ARID1B: variants seen among roughly 807,000 people sequenced by gnomAD.
The protein encoded by ARID1B is AT-rich interaction domain 1B.
In ARID1B, 30 loss-of-function variants were observed where a neutral mutation model predicts 212.3. The ratio of observed to expected loss-of-function variants is 0.14; its 90% CI spans 0.11 to 0.19. The LOEUF is 0.19. Among genes scored for constraint, ARID1B ranks in the 10% least tolerant of loss-of-function variants. ARID1B has a pLI of 1.00. For synonymous variants in ARID1B, 1,402 were observed against 1,301.7 expected (o/e 1.08, Z -1.66); for missense variants, 2,891 against 3,204.0 (o/e 0.90, Z 2.36).
intron 2 of ARID1B, among the ~76,000 whole-genome samples, chr6:156,897,249 C>CTTATTATTATTA (rs1165510857): frequency 5.3e-4 from 53 of 100,800 alleles, no homozygotes; most frequent in African/African-American, 1.2e-3. Context: ...TCTTCTTCTT[C>CTTATTATTATTA]TTCTTCTTCT....
chr6:156,968,920 G>A (rs562233341), intron 4 of ARID1B, among the ~76,000 whole-genome samples: 3 of 152,358 alleles, frequency 2.0e-5, no homozygotes, highest in East Asian at 1.9e-4. Flanking sequence ...AGTGAAGGGC[G>A]CAAGCCCCTG....
chr6:156,780,760 A>G (rs143498669), intron 1 of ARID1B, among the ~76,000 whole-genome samples: 8 of 152,370 alleles, frequency 5.3e-5, no homozygotes, highest in Non-Finnish European at 7.3e-5. Context: ...GCTGGTGTCC[A>G]GTATTGGGCA....
At position 156,779,301 on chromosome 6, in the gene ARID1B, G is replaced by A. The variant is rs2115001747; in HGVS notation, c.1621G>A (p.Ala541Thr). ...PPPSQPQSQA[A>T]AAGAAAGGQQ... is the part of the protein sequence containing the mutation. Reference sequence around the variant, plus strand: ...GCCGTCGCAGCCCCAGTCCCAGGCGGCGGCGGCGGGGGCGGCGGCGGGCGG... The same window carrying A: ...GCCGTCGCAGCCCCAGTCCCAGGCGACGGCGGCGGGGGCGGCGGCGGGCGG... Residue 541 changes from alanine (A) to threonine (T), a missense_variant, in exon 1 of 20, where the codon GCG (alanine) becomes ACG (threonine). Ala to Thr is a moderately conservative substitution (Grantham distance 58). Around this residue, in one of 7 missense-constraint regions of ARID1B, gnomAD observed 1,643 missense variants for 1,544.0 expected, o/e 1.06. Coordinates refer to ENST00000636930, the MANE Select transcript of ARID1B (RefSeq NM_001374828.1). 8.8e-7 allele frequency: 1 copy of A among 1,137,332 alleles called. No homozygotes were observed. The highest frequency in any genetic ancestry group is 1.1e-6 in the Non-Finnish European group (1 of 929,518). 70.5% of individuals were successfully genotyped at this position (1,137,332 alleles called of 1,614,324 possible).
At chr6:157,122,593 A>T (rs777579537) in intron 6 of ARID1B, among the ~76,000 whole-genome samples, 1 of 152,224 alleles carries the variant, frequency 6.6e-6, no homozygotes, top group Non-Finnish European at 1.5e-5. Context: ...TCATACCCTC[A>T]CACAAGCTCT....
At chr6:157,181,269 T>TC (rs1382436786) in intron 12 of ARID1B, 91 bp downstream of exon 12, 40 of 1,462,818 alleles carry the variant, frequency 2.7e-5, no homozygotes, top group Non-Finnish European at 3.2e-5. Flanking sequence ...TCATTTTTTT[T>TC]CTCACAAAGG....
chr6:157,192,616 C>T (rs996298805), intron 15 of ARID1B, among the ~76,000 whole-genome samples: 1 of 152,192 alleles, frequency 6.6e-6, no homozygotes, highest in Non-Finnish European at 1.5e-5. Flanking sequence ...GAATGCCTGT[C>T]GCTTTCACAC....
intron 4 of ARID1B, among the ~76,000 whole-genome samples, chr6:156,959,945 T>TC (rs3078892): frequency 6.7e-6 from 1 of 148,476 alleles, no homozygotes; most frequent in Non-Finnish European, 1.5e-5. Flanking sequence ...TTTTTTTTTT[T>TC]CTCGAGACAG....
chr6:156,892,121 A>G (rs536685912), intron 2 of ARID1B, among the ~76,000 whole-genome samples: 18 of 135,092 alleles, frequency 1.3e-4, no homozygotes, highest in African/African-American at 4.0e-4. Flanking sequence ...GATGGTCTCT[A>G]TCTCTTGACC....
intron 4 of ARID1B, among the ~76,000 whole-genome samples, chr6:156,963,471 C>T (rs1017366130): frequency 2.6e-5 from 4 of 151,902 alleles, no homozygotes; most frequent in Admixed American, 1.3e-4. Context: ...CAGTTAGTTG[C>T]GTAGGTCATT....
intron 2 of ARID1B, among the ~76,000 whole-genome samples, chr6:156,843,053 A>G (rs1321602706): frequency 3.9e-5 from 6 of 152,204 alleles, no homozygotes; most frequent in Non-Finnish European, 8.8e-5. Flanking sequence ...GGAGTTCTAG[A>G]GTAGGGTAGT....
rs374662091 is a variant in ARID1B at position 156,799,076 on chromosome 6, C to T, written c.1791+19605C>T. ...CTCGTGTACATGTCCCATCTCAAGT[C>T]TCAAGTATTACAGACTGTAGGTCAG... is the stretch of plus-strand genomic sequence containing the variant. On this transcript the variant is annotated intron_variant, in intron 1 of 19. Transcript: ENST00000636930. 3.1e-4 allele frequency among the ~76,000 whole-genome samples: 47 copies of T among 152,304 alleles called. No homozygotes were observed. In the South Asian group the frequency reaches 9.5e-3, roughly 31 times the overall value.
chr6:157,095,700 T>C (rs529532833), intron 5 of ARID1B, among the ~76,000 whole-genome samples: 23 of 152,348 alleles, frequency 1.5e-4, no homozygotes, highest in South Asian at 1.5e-3. Flanking sequence ...TTGAAAGTAA[T>C]GTCACAGAAA....
At chr6:156,782,342 G>A (rs1779339242) in intron 1 of ARID1B, among the ~76,000 whole-genome samples, 2 of 152,118 alleles carry the variant, frequency 1.3e-5, no homozygotes, top group East Asian at 1.9e-4. Flanking sequence ...GGGACAAAAC[G>A]TGTATATATT....
chr6:156,833,277 G>A (rs1783270519), intron 2 of ARID1B, among the ~76,000 whole-genome samples: 1 of 151,964 alleles, frequency 6.6e-6, no homozygotes, highest in African/African-American at 2.4e-5. Flanking sequence ...AGGAATGCAG[G>A]TTTTGTTTCA....
At chr6:156,924,843 C>A (rs919640271) in intron 3 of ARID1B, among the ~76,000 whole-genome samples, 2 of 152,132 alleles carry the variant, frequency 1.3e-5, no homozygotes, top group Non-Finnish European at 2.9e-5. Flanking sequence ...GAGAGCAGAA[C>A]ATTTACTGTG....
chr6:157,096,731 A>G (rs117453823), intron 5 of ARID1B, among the ~76,000 whole-genome samples: 3,670 of 152,108 alleles, frequency 0.024, 74 homozygotes, highest in Non-Finnish European at 0.041. Flanking sequence ...ACCCGCCTGG[A>G]CCTCCCAGTT....
rs551552374 is a variant in ARID1B, at chr6:157,094,879, C to T, written c.2491+9974C>T. ...GGGAGTAGTGGCAGAAGGAGTTTGG[C>T]CGAAGGAATTGGTAAATGATGGTTC... is the stretch of plus-strand genomic sequence containing the variant. On this transcript the variant is annotated intron_variant, in intron 5 of 19. Coordinates refer to ENST00000636930, the MANE Select transcript of ARID1B (RefSeq NM_001374828.1). This position sits in a 1 kb window ranked among gnomAD's most constrained non-coding sequence, Gnocchi z 4.3. Among the ~76,000 whole-genome samples, 3 of 152,082 alleles carry T rather than the reference C, an allele frequency of 2.0e-5. No homozygotes were observed. Among genetic ancestry groups the T allele is most frequent in the Admixed American group, 1.3e-4 (2 of 15,278 alleles).
At chr6:157,080,031 C>G (rs774144886) in intron 4 of ARID1B, among the ~76,000 whole-genome samples, 1 of 152,100 alleles carries the variant, frequency 6.6e-6, no homozygotes, top group Admixed American at 6.5e-5. Flanking sequence ...TTAACTGTAT[C>G]CTATTAAAAT....
intron 1 of ARID1B, among the ~76,000 whole-genome samples, chr6:156,813,787 G>A (rs761190269): frequency 9.2e-5 from 14 of 152,164 alleles, no homozygotes; most frequent in Admixed American, 3.3e-4. Context: ...AGCTTACAGC[G>A]CTTTGCAGAC....
Sources: allele counts gnomAD v4.1 joint callset (sites outside exome capture counted in the v4.1 genomes callset), GRCh38; gene constraint gnomAD v4.1.1; regional missense constraint gnomAD v4.1.1; non-coding constraint Gnocchi (gnomAD v3.1); transcripts MANE v1.5; gene names NCBI Gene and HGNC (gene_info 2026-07-23, HGNC 2026-07-21).